GABRG3: variants seen among roughly 807,000 people sequenced by gnomAD.
GABRG3 encodes the protein gamma-aminobutyric acid receptor subunit gamma-3.
In GABRG3, 25 loss-of-function variants were observed where a neutral mutation model predicts 48.8. The observed-to-expected ratio is 0.51, with a 90% CI of 0.37 to 0.72. GABRG3 has a LOEUF of 0.72. Ranked by LOEUF, GABRG3 falls within the 30% of genes least tolerant of loss-of-function variation. GABRG3 has a pLI of 0.00. For missense variants in GABRG3, 394 were observed against 577.9 expected (o/e 0.68, Z 3.26); for synonymous variants, 227 against 217.6 (o/e 1.04, Z -0.38).
chr15:27,412,920 AT>A (rs1887839772), intron 5 of GABRG3, among the ~76,000 whole-genome samples: 1 of 152,172 alleles, frequency 6.6e-6, no homozygotes, highest in African/African-American at 2.4e-5. Context: ...CAAATGATAT[AT>A]TTGCTCTCTT....
chr15:27,166,915 T>C (rs1887392981), intron 3 of GABRG3, among the ~76,000 whole-genome samples: 2 of 152,194 alleles, frequency 1.3e-5, no homozygotes, highest in Non-Finnish European at 2.9e-5. Flanking sequence ...GAGGACTTCA[T>C]GTTGCAACAA....
At chr15:27,010,503 G>A (rs1449064695) in intron 2 of GABRG3, among the ~76,000 whole-genome samples, 1 of 152,104 alleles carries the variant, frequency 6.6e-6, no homozygotes, top group Non-Finnish European at 1.5e-5. Flanking sequence ...GAAGATCCAG[G>A]GTAACATCAG....
chr15:27,300,629 C>T, intron 3 of GABRG3, among the ~76,000 whole-genome samples: 1 of 148,716 alleles, frequency 6.7e-6, no homozygotes, highest in African/African-American at 2.5e-5. Flanking sequence ...TGCATTCCAG[C>T]CTGGGCAACA....
At chr15:27,203,049 TCCAA>T (rs1002904197) in intron 3 of GABRG3, among the ~76,000 whole-genome samples, 14 of 152,250 alleles carry the variant, frequency 9.2e-5, no homozygotes, top group African/African-American at 3.4e-4. Flanking sequence ...GTTTTACCTT[TCCAA>T]CTTTTATTTT....
chr15:27,031,921 C>G (rs1210065758), intron 3 of GABRG3, among the ~76,000 whole-genome samples: 2 of 152,142 alleles, frequency 1.3e-5, no homozygotes, highest in Non-Finnish European at 2.9e-5. Context: ...ATTTCTCCTG[C>G]GTAAAGTTCA....
intron 5 of GABRG3, among the ~76,000 whole-genome samples, chr15:27,417,997 A>G (rs1887993503): frequency 6.6e-6 from 1 of 152,194 alleles, no homozygotes; most frequent in Non-Finnish European, 1.5e-5. Context: ...GGTGAGTGGG[A>G]AAGGTCCATC....
intron 5 of GABRG3, among the ~76,000 whole-genome samples, chr15:27,413,564 A>T (rs1354580657): frequency 6.6e-6 from 1 of 152,194 alleles, no homozygotes; most frequent in Non-Finnish European, 1.5e-5. Context: ...CTTAAATCAC[A>T]TTTGAGTAGA....
intron 5 of GABRG3, among the ~76,000 whole-genome samples, chr15:27,351,724 GTA>G (rs1369408630): frequency 2.7e-5 from 4 of 149,602 alleles, no homozygotes; most frequent in Admixed American, 1.3e-4. Context: ...GTGTGTGTGT[GTA>G]TATATATGTG....
At chr15:27,160,456 A>ATTGT (rs1887137143) in intron 3 of GABRG3, among the ~76,000 whole-genome samples, 1 of 152,024 alleles carries the variant, frequency 6.6e-6, no homozygotes, top group Admixed American at 6.6e-5. Flanking sequence ...GATTATTGAG[A>ATTGT]TTGTTTGGTA....
intron 5 of GABRG3, among the ~76,000 whole-genome samples, chr15:27,390,114 C>T (rs562033504): frequency 6.6e-6 from 1 of 152,302 alleles, no homozygotes; most frequent in Admixed American, 6.5e-5. Context: ...AATTCAAATG[C>T]ACATTATGAT....
chr15:27,342,764 C>T (rs565857482), intron 5 of GABRG3, among the ~76,000 whole-genome samples: 8 of 152,272 alleles, frequency 5.3e-5, no homozygotes, highest in East Asian at 1.9e-4. Context: ...TGAACCAAGG[C>T]GGGGAGGCTG....
At chr15:27,082,760 G>A (rs1011460747) in intron 3 of GABRG3, among the ~76,000 whole-genome samples, 1 of 152,172 alleles carries the variant, frequency 6.6e-6, no homozygotes, top group Non-Finnish European at 1.5e-5. Context: ...TTTAAAGTCC[G>A]CTGCAATGAA....
At chr15:27,501,160 C>G (rs1046252259) in intron 6 of GABRG3, among the ~76,000 whole-genome samples, 1 of 152,044 alleles carries the variant, frequency 6.6e-6, no homozygotes, top group Non-Finnish European at 1.5e-5. Flanking sequence ...ACCGTGTTAA[C>G]CAGGATGGTC....
At chr15:27,143,590 A>G (rs1217839621) in intron 3 of GABRG3, among the ~76,000 whole-genome samples, 2 of 152,254 alleles carry the variant, frequency 1.3e-5, no homozygotes, top group South Asian at 2.1e-4. Context: ...AGGTGACAGG[A>G]TGATATTTCA....
intron 5 of GABRG3, chr15:27,364,708 G>C (rs889889495): frequency 6.6e-6 from 1 of 152,096 alleles, no homozygotes; most frequent in Non-Finnish European, 1.5e-5. Flanking sequence ...GGGTTGGTTT[G>C]GGGCAAATTA....
chr15:27,052,960 C>T (rs1167771909), intron 3 of GABRG3, among the ~76,000 whole-genome samples: 1 of 152,140 alleles, frequency 6.6e-6, no homozygotes, highest in African/African-American at 2.4e-5. Context: ...AGGCTAGCCA[C>T]ATGCGGAAGA....
At chr15:27,363,388 A>T (rs1181114812) in intron 5 of GABRG3, 1 of 152,076 alleles carries the variant, frequency 6.6e-6, no homozygotes, top group Admixed American at 6.5e-5. Context: ...TCTTAAGACT[A>T]GAATGGAGAG....
intron 3 of GABRG3, among the ~76,000 whole-genome samples, chr15:27,229,455 G>T (rs11263709): frequency 0.19 from 21,806 of 112,328 alleles, 2,053 homozygotes; most frequent in African/African-American, 0.42. Context: ...TAGGTTTTTT[G>T]TGTGTGTGTG....
At chr15:27,129,631 A>G (rs1477242717) in intron 3 of GABRG3, among the ~76,000 whole-genome samples, 15 of 151,782 alleles carry the variant, frequency 9.9e-5, no homozygotes, top group Non-Finnish European at 1.5e-5. Context: ...CATAGTGGCT[A>G]TGCCATTTTA....
Sources: allele counts gnomAD v4.1 joint callset (sites outside exome capture counted in the v4.1 genomes callset), GRCh38; gene constraint gnomAD v4.1.1; transcripts MANE v1.5; gene names NCBI Gene and HGNC (gene_info 2026-07-23, HGNC 2026-07-21).